The following CSMD1 variants were observed in gnomAD, a reference collection of about 807,000 sequenced individuals.
The protein encoded by CSMD1 is CUB and Sushi multiple domains 1, also known as CUB and sushi domain-containing protein 1.
Under a neutral mutation model 417.5 loss-of-function variants are expected in CSMD1, and 213 were observed. The observed-to-expected ratio is 0.51, with a 90% CI of 0.46 to 0.57. The LOEUF is 0.57. Among genes scored for constraint, CSMD1 ranks in the 20% least tolerant of loss-of-function variants. The pLI, the probability that CSMD1 is intolerant of heterozygous loss-of-function variation, is 0.00. For synonymous variants in CSMD1, 2,862 were observed against 1,736.8 expected, an observed-to-expected ratio of 1.65 and a Z score of -16.11; for missense variants, 6,923 against 4,529.7, an observed-to-expected ratio of 1.53 and a Z score of -15.17.
At chr8:3,230,305 T>C (rs1473216252) in intron 26 of CSMD1, 74 bp from the exon 27 acceptor site, 10 of 1,279,420 alleles carry the variant, frequency 7.8e-6, no homozygotes, top group Non-Finnish European at 1.1e-5. Context: ...GTGGTTGTTC[T>C]TGTGGGTTGA....
rs141919214 is a variant in CSMD1, at chr8:4,437,902, C to T, written c.303-17837G>A. On this transcript the variant is annotated intron_variant, in intron 2 of 69. Coordinates refer to ENST00000635120, the MANE Select transcript of CSMD1 (RefSeq NM_033225.6). ...ATTCAAGTGGTCTCACCTGAGAAGC[C>T]GGCTCTCAGGCTTGGACATCAACCT... 4.2e-3 allele frequency among the ~76,000 whole-genome samples: 642 copies of T among 151,930 alleles called. 4 individuals are homozygous for T. The highest frequency in any genetic ancestry group is 6.8e-3 in the Middle Eastern group (2 of 294).
chr8:4,239,998 G>A (rs541962434), intron 3 of CSMD1, among the ~76,000 whole-genome samples: 53 of 152,178 alleles, frequency 3.5e-4, no homozygotes, highest in African/African-American at 1.2e-3. Flanking sequence ...AAATACATAA[G>A]GCGTGTTCTG....
At chr8:3,399,828 G>A (rs945599048) in intron 15 of CSMD1, among the ~76,000 whole-genome samples, 2 of 152,098 alleles carry the variant, frequency 1.3e-5, no homozygotes, top group African/African-American at 2.4e-5. Context: ...ATTTCATTAC[G>A]TACATGCCCG....
chr8:3,267,160 C>A (rs1223133052), intron 26 of CSMD1, among the ~76,000 whole-genome samples: 1 of 152,098 alleles, frequency 6.6e-6, no homozygotes, highest in African/African-American at 2.4e-5. Context: ...GGAATGTCTG[C>A]TGGAGGACCA....
At chr8:4,447,412 A>T (rs374836749) in intron 2 of CSMD1, among the ~76,000 whole-genome samples, 10 of 152,332 alleles carry the variant, frequency 6.6e-5, no homozygotes, top group African/African-American at 2.4e-4. Context: ...GGAAGCCTGA[A>T]GTGGATGGCA....
At chr8:3,723,771 G>C (rs971855618) in intron 6 of CSMD1, among the ~76,000 whole-genome samples, 4 of 152,148 alleles carry the variant, frequency 2.6e-5, no homozygotes, top group Non-Finnish European at 5.9e-5. Context: ...ATTTGAAAGA[G>C]ATGCATAAAG....
chr8:3,212,343 G>T (rs1319570624), intron 30 of CSMD1, among the ~76,000 whole-genome samples: 1 of 152,030 alleles, frequency 6.6e-6, no homozygotes, highest in Non-Finnish European at 1.5e-5. Context: ...CTATGATCAC[G>T]ATTTTAAAAC....
At chr8:3,310,821 T>A (rs1275590393) in intron 23 of CSMD1, among the ~76,000 whole-genome samples, 1 of 81,998 alleles carries the variant, frequency 1.2e-5, no homozygotes, top group Non-Finnish European at 3.4e-5. Context: ...GTATCCACCT[T>A]AACAAACCAC....
At chr8:3,276,835 G>A (rs995728250) in intron 26 of CSMD1, among the ~76,000 whole-genome samples, 1 of 152,078 alleles carries the variant, frequency 6.6e-6, no homozygotes, top group Non-Finnish European at 1.5e-5. Flanking sequence ...CTAATTAGCA[G>A]ACACTTGTTG....
chr8:4,357,189 T>A (rs1468802335), intron 3 of CSMD1, among the ~76,000 whole-genome samples: 1 of 152,208 alleles, frequency 6.6e-6, no homozygotes, highest in Non-Finnish European at 1.5e-5. Flanking sequence ...ACACATGTAG[T>A]GTGTTCTTAA....
chr8:3,076,020 T>C (rs13255045), intron 49 of CSMD1, among the ~76,000 whole-genome samples: 85,838 of 149,978 alleles, frequency 0.57, 24,846 homozygotes, highest in African/African-American at 0.6. Flanking sequence ...CACTGCACTC[T>C]AGCCTGGGCG....
chr8:4,644,684 C>A (rs1007693168), intron 1 of CSMD1, among the ~76,000 whole-genome samples: 9 of 152,240 alleles, frequency 5.9e-5, no homozygotes, highest in African/African-American at 2.2e-4. Context: ...ACTGGAATTA[C>A]AGGTGTGAGC....
chr8:4,588,534 C>T (rs1337380547), intron 2 of CSMD1, among the ~76,000 whole-genome samples: 2 of 151,978 alleles, frequency 1.3e-5, no homozygotes, highest in Non-Finnish European at 2.9e-5. Context: ...GTGGCACATG[C>T]CTGTAATCCC....
intron 41 of CSMD1, chr8:3,128,862 C>T (rs1286969358): frequency 4.4e-6 from 2 of 454,604 alleles, no homozygotes; most frequent in Non-Finnish European, 8.8e-6. Context: ...AATGGGGTGT[C>T]AAGACATGGG....
chr8:3,972,061 G>T (rs530508131), intron 5 of CSMD1, among the ~76,000 whole-genome samples: 2 of 152,118 alleles, frequency 1.3e-5, no homozygotes, highest in African/African-American at 4.8e-5. Context: ...CATAGAGACA[G>T]GGGCTCTGTA....
intron 15 of CSMD1, among the ~76,000 whole-genome samples, chr8:3,403,219 G>A (rs1405043038): frequency 1.3e-5 from 2 of 152,166 alleles, no homozygotes; most frequent in African/African-American, 2.4e-5. Context: ...ATAAATAAGA[G>A]TATTCTGTAA....
chr8:3,741,109 G>A (rs1360712245), intron 6 of CSMD1, among the ~76,000 whole-genome samples: 1 of 151,116 alleles, frequency 6.6e-6, no homozygotes, highest in African/African-American at 2.4e-5. Flanking sequence ...CAGCTACTTG[G>A]AGTTTGAGGC....
intron 41 of CSMD1, chr8:3,127,841 T>A (rs1029284468): frequency 7.3e-6 from 1 of 136,478 alleles, no homozygotes; most frequent in Non-Finnish European, 1.5e-5. Flanking sequence ...AGGAAGATAC[T>A]AAAGAACAAA....
At chr8:4,288,805 G>C (rs780969406) in intron 3 of CSMD1, among the ~76,000 whole-genome samples, 11 of 152,144 alleles carry the variant, frequency 7.2e-5, no homozygotes, top group Non-Finnish European at 1.5e-4. Context: ...CCAACATTGA[G>C]CAAAATCAAG....
Sources: allele counts gnomAD v4.1 joint callset (sites outside exome capture counted in the v4.1 genomes callset), GRCh38; gene constraint gnomAD v4.1.1; transcripts MANE v1.5; gene names NCBI Gene and HGNC (gene_info 2026-07-23, HGNC 2026-07-21).